The following CPEB3 variants were observed in gnomAD, a reference collection of about 807,000 sequenced individuals.
The protein encoded by CPEB3 is cytoplasmic polyadenylation element-binding protein 3.
In CPEB3, 20 loss-of-function variants were observed where a neutral mutation model predicts 67.2. That is an observed-to-expected ratio of 0.30 (90% CI 0.21 to 0.43). The LOEUF (loss-of-function observed/expected upper bound fraction) is 0.43. CPEB3 is among the 20% of genes least tolerant of loss of function. The pLI is 1.00. For missense variants in CPEB3, 746 were observed against 968.6 expected (o/e 0.77, Z 3.05); for synonymous variants, 376 against 393.1 (o/e 0.96, Z 0.51).
intron 1 of CPEB3, among the ~76,000 whole-genome samples, chr10:92,267,249 C>T (rs1376966881): frequency 2.6e-5 from 4 of 152,174 alleles, no homozygotes; most frequent in Admixed American, 2.0e-4. Context: ...CACAGAAAGT[C>T]TCTTGTTACA....
intron 4 of CPEB3, among the ~76,000 whole-genome samples, chr10:92,149,440 C>T (rs779142357): frequency 1.1e-4 from 17 of 152,144 alleles, no homozygotes; most frequent in Non-Finnish European, 1.5e-5. Flanking sequence ...AAGTCTTGAA[C>T]GAGAGCAGTG....
chr10:92,088,225 A>ATTTTT (rs374452327), intron 8 of CPEB3, among the ~76,000 whole-genome samples: 2 of 126,322 alleles, frequency 1.6e-5, no homozygotes, highest in African/African-American at 3.1e-5. Context: ...TTCCAACCTA[A>ATTTTT]TTTTTTTTTT....
chr10:92,175,495 A>G (rs891719539), intron 4 of CPEB3, among the ~76,000 whole-genome samples: 6 of 152,044 alleles, frequency 3.9e-5, no homozygotes, highest in African/African-American at 1.5e-4. Flanking sequence ...TGTATGTTTA[A>G]CTTTGCAAGA....
intron 3 of CPEB3, among the ~76,000 whole-genome samples, chr10:92,187,252 A>G (rs1848736230): frequency 1.3e-5 from 2 of 152,214 alleles, no homozygotes; most frequent in Non-Finnish European, 2.9e-5. Context: ...TTACTGAAAG[A>G]TAAGCTATTT....
chr10:92,113,747 G>A (rs1281296307), intron 6 of CPEB3, among the ~76,000 whole-genome samples: 3 of 152,166 alleles, frequency 2.0e-5, no homozygotes, highest in Non-Finnish European at 4.4e-5. Context: ...CCAAAGAAAA[G>A]GCGGTTGTCT....
upstream of CPEB3, chr10:92,291,091 C>G (rs1331751300): frequency 3.6e-6 from 1 of 281,142 alleles, no homozygotes; most frequent in African/African-American, 2.3e-5. Flanking sequence ...TGGAGACGGT[C>G]CGAAGACTAC....
intron 1 of CPEB3, among the ~76,000 whole-genome samples, chr10:92,242,558 T>G (rs1169301558): frequency 6.6e-6 from 1 of 152,230 alleles, no homozygotes; most frequent in Non-Finnish European, 1.5e-5. Context: ...AGAATTGTCT[T>G]TATAATAGCC....
At chr10:92,182,868 C>T (rs191618217) in intron 3 of CPEB3, among the ~76,000 whole-genome samples, 6 of 150,776 alleles carry the variant, frequency 4.0e-5, no homozygotes, top group Non-Finnish European at 7.4e-5. Flanking sequence ...ACAAAACCCT[C>T]GCAAGTGAAG....
intron 2 of CPEB3, among the ~76,000 whole-genome samples, chr10:92,206,196 C>T (rs1429571441): frequency 6.6e-6 from 1 of 151,818 alleles, no homozygotes; most frequent in Non-Finnish European, 1.5e-5. Flanking sequence ...CTCAGCCTCC[C>T]AAGTAGCTGG....
At chr10:92,265,663 C>T (rs1282328519) in intron 1 of CPEB3, among the ~76,000 whole-genome samples, 1 of 151,254 alleles carries the variant, frequency 6.6e-6, no homozygotes, top group African/African-American at 2.4e-5. Flanking sequence ...GCAGGAGAAT[C>T]GCTTGAACCC....
At chr10:92,247,217 T>C (rs1044474116) in intron 1 of CPEB3, among the ~76,000 whole-genome samples, 2 of 152,122 alleles carry the variant, frequency 1.3e-5, no homozygotes, top group Non-Finnish European at 2.9e-5. Flanking sequence ...ACCTTCTTTA[T>C]TTTTTTATTG....
At chr10:92,208,755 G>A (rs775966680) in intron 2 of CPEB3, among the ~76,000 whole-genome samples, 10 of 151,862 alleles carry the variant, frequency 6.6e-5, no homozygotes, top group Non-Finnish European at 1.2e-4. Flanking sequence ...CATCATGCCT[G>A]GCTAATTTTT....
At chr10:92,172,242 C>T (rs1848037024) in intron 4 of CPEB3, among the ~76,000 whole-genome samples, 1 of 152,126 alleles carries the variant, frequency 6.6e-6, no homozygotes, top group Non-Finnish European at 1.5e-5. Context: ...CTGTCTGCCT[C>T]CCTACCTCAA....
chr10:92,076,350 CT>C (rs1842933421), intron 9 of CPEB3: 1 of 152,102 alleles, frequency 6.6e-6, no homozygotes, highest in Non-Finnish European at 1.5e-5. Flanking sequence ...CTGTATTTTC[CT>C]GAGGAGATAT....
chr10:92,081,567 G>C, intron 8 of CPEB3, 66 bp from the exon 9 acceptor site: 1 of 1,386,942 alleles, frequency 7.2e-7, no homozygotes, highest in Non-Finnish European at 1.0e-6. Flanking sequence ...CCAGGAGAAG[G>C]AAGAATTATT....
chr10:92,273,407 G>A (rs571900511), intron 1 of CPEB3, among the ~76,000 whole-genome samples: 27 of 152,118 alleles, frequency 1.8e-4, no homozygotes, highest in Non-Finnish European at 3.4e-4. Flanking sequence ...ATGATTAATT[G>A]AATAGTCGAT....
At chr10:92,194,495 GA>G (rs541619563) in intron 2 of CPEB3, among the ~76,000 whole-genome samples, 7 of 151,846 alleles carry the variant, frequency 4.6e-5, no homozygotes, top group African/African-American at 9.7e-5. Flanking sequence ...TGGCAAAAAG[GA>G]AAAAAAATTT....
chr10:92,137,532 C>A, intron 6 of CPEB3: 1 of 814,368 alleles, frequency 1.2e-6, no homozygotes, highest in Non-Finnish European at 2.1e-6. Context: ...CCAAGAAGTT[C>A]ATAAGGGACC....
intron 2 of CPEB3, among the ~76,000 whole-genome samples, chr10:92,215,804 A>G (rs866623536): frequency 1.5e-5 from 2 of 135,464 alleles, no homozygotes. Flanking sequence ...GCTGGAGTGC[A>G]GTGGCACGAT....
Sources: allele counts gnomAD v4.1 joint callset (sites outside exome capture counted in the v4.1 genomes callset), GRCh38; gene constraint gnomAD v4.1.1; transcripts MANE v1.5; gene names NCBI Gene and HGNC (gene_info 2026-07-23, HGNC 2026-07-21).